Variants in PCSK5 observed in about 807,000 individuals in gnomAD.
PCSK5 encodes proprotein convertase subtilisin/kexin type 5.
A neutral mutation model predicts 233.2 loss-of-function variants in PCSK5; 129 were observed. The ratio of observed to expected loss-of-function variants is 0.55; its 90% confidence interval spans 0.48 to 0.64. The LOEUF (loss-of-function observed/expected upper bound fraction) is 0.64, where lower values mean the gene tolerates loss of function less well. Among genes scored for constraint, PCSK5 ranks in the 30% least tolerant of loss-of-function variants. The pLI is 0.00. For synonymous variants in PCSK5, 825 were observed against 879.2 expected, an observed-to-expected ratio of 0.94 and a Z score of 1.09; for missense variants, 2,076 against 2,430.1, an observed-to-expected ratio of 0.85 and a Z score of 3.06.
In PCSK5 at chr9:76,338,426, C is replaced by G. The variant is rs780843234; in HGVS notation, c.4945C>G (p.Pro1649Ala). Reference protein sequence around the residue: ...QSTQTCERCHPTCDQCKGKGA... With the variant: ...QSTQTCERCHATCDQCKGKGA... ...CACACAGACCTGTGAGAGATGCCAT[C>G]CGACTTGTGATCAATGCAAAGGTGA... The change falls in exon 35 of 38, where the codon CCG (proline) becomes GCG (alanine). Residue 1649 changes from proline to alanine, a missense_variant. Around this residue, in one of 6 missense-constraint regions of PCSK5, gnomAD observed 1,510 missense variants for 1,538.1 expected, o/e 0.98. Coordinates refer to ENST00000674117, the MANE Select transcript of PCSK5 (RefSeq NM_001372043.1). 6.2e-7 allele frequency: 1 copy of G among 1,611,260 alleles called. No homozygotes were observed. The highest frequency in any genetic ancestry group is 8.5e-7 in the Non-Finnish European group (1 of 1,178,612).
chr9:76,294,057 T>G (rs1462812701), intron 25 of PCSK5, among the ~76,000 whole-genome samples: 1 of 151,826 alleles, frequency 6.6e-6, no homozygotes, highest in East Asian at 1.9e-4. Flanking sequence ...ATTAGCCGAG[T>G]GTGGTGGCAT....
chr9:76,206,447 C>T (rs1000859099), intron 20 of PCSK5, among the ~76,000 whole-genome samples: 2 of 152,156 alleles, frequency 1.3e-5, no homozygotes, highest in African/African-American at 2.4e-5. Flanking sequence ...AGACAGAGCC[C>T]CTTTCCCTGC....
intron 35 of PCSK5, among the ~76,000 whole-genome samples, chr9:76,343,128 C>T: frequency 6.6e-6 from 1 of 150,650 alleles, no homozygotes; most frequent in Non-Finnish European, 1.5e-5. Context: ...GATACATCTC[C>T]ACTTAAAAAA....
chr9:75,992,249 A>G (rs751758545), intron 3 of PCSK5, among the ~76,000 whole-genome samples: 3 of 152,228 alleles, frequency 2.0e-5, no homozygotes, highest in Non-Finnish European at 4.4e-5. Flanking sequence ...TTCGAAATAC[A>G]TTGAGGGGTT....
At chr9:75,946,740 C>T (rs998560405) in intron 2 of PCSK5, among the ~76,000 whole-genome samples, 1 of 152,138 alleles carries the variant, frequency 6.6e-6, no homozygotes, top group East Asian at 1.9e-4. Context: ...AGGTGCCCAC[C>T]ACCATGCCAG....
chr9:76,237,207 C>G (rs894034425), intron 22 of PCSK5, among the ~76,000 whole-genome samples: 1 of 152,186 alleles, frequency 6.6e-6, no homozygotes, highest in African/African-American at 2.4e-5. Flanking sequence ...TTCCAGGTTC[C>G]ACCAGATCAG....
At chr9:75,966,339 C>G (rs1231223820) in intron 2 of PCSK5, among the ~76,000 whole-genome samples, 1 of 152,206 alleles carries the variant, frequency 6.6e-6, no homozygotes. Context: ...AACAAAAACT[C>G]TACTGTATTT....
intron 5 of PCSK5, among the ~76,000 whole-genome samples, chr9:76,032,006 C>T (rs1333560987): frequency 2.0e-5 from 3 of 152,154 alleles, no homozygotes; most frequent in Non-Finnish European, 4.4e-5. Flanking sequence ...TTGTCTGCTT[C>T]CTTGGGGCTG....
chr9:75,929,566 G>A (rs1823681632), intron 1 of PCSK5, among the ~76,000 whole-genome samples: 1 of 152,062 alleles, frequency 6.6e-6, no homozygotes, highest in African/African-American at 2.4e-5. Context: ...TCTCCCTCCA[G>A]CTGCAGTAGG....
At chr9:76,248,427 G>C (rs938220011) in intron 24 of PCSK5, among the ~76,000 whole-genome samples, 1 of 152,130 alleles carries the variant, frequency 6.6e-6, no homozygotes, top group Non-Finnish European at 1.5e-5. Context: ...AAAAGGAAGA[G>C]AGAGGGGAAT....
intron 2 of PCSK5, among the ~76,000 whole-genome samples, chr9:75,966,869 C>T (rs1278447566): frequency 1.3e-5 from 2 of 152,194 alleles, no homozygotes; most frequent in East Asian, 1.9e-4. Context: ...ATTTCTACCA[C>T]AGTGTATGTT....
intron 12 of PCSK5, among the ~76,000 whole-genome samples, chr9:76,166,871 G>C (rs905934536): frequency 4.6e-5 from 7 of 152,154 alleles, no homozygotes; most frequent in Admixed American, 4.6e-4. Context: ...GTTTGAAAAA[G>C]CTCCTCTTCC....
intron 20 of PCSK5, among the ~76,000 whole-genome samples, chr9:76,220,526 C>CAA (rs57063521): frequency 0.4 from 39,700 of 100,112 alleles, 7,553 homozygotes; most frequent in South Asian, 0.45. Flanking sequence ...GACTCTGTCT[C>CAA]AAAAAAAAAA....
chr9:76,345,827 C>T (rs1829965400), intron 35 of PCSK5, among the ~76,000 whole-genome samples: 1 of 152,088 alleles, frequency 6.6e-6, no homozygotes, highest in Non-Finnish European at 1.5e-5. Context: ...TCAAGCAATT[C>T]TCCTGTCTCA....
At chr9:76,317,072 C>G (rs1187638175) in intron 30 of PCSK5, among the ~76,000 whole-genome samples, 1 of 152,056 alleles carries the variant, frequency 6.6e-6, no homozygotes, top group Non-Finnish European at 1.5e-5. Context: ...GAAACTATAT[C>G]AGAAATATGA....
At chr9:76,252,297 A>AAT (rs1554712538) in intron 24 of PCSK5, among the ~76,000 whole-genome samples, 1,987 of 152,136 alleles carry the variant, frequency 0.013, 36 homozygotes, top group African/African-American at 0.045. Flanking sequence ...ATAATAATAA[A>AAT]AATAAGATAA....
At chr9:76,103,628 C>T (rs1416548) in intron 8 of PCSK5, among the ~76,000 whole-genome samples, 32,591 of 151,982 alleles carry the variant, frequency 0.21, 3,722 homozygotes, top group South Asian at 0.29. Flanking sequence ...CAGTACCCAC[C>T]GCTTGTCATC....
At chr9:76,126,167 C>CTGTGTG (rs140371301) in intron 9 of PCSK5, among the ~76,000 whole-genome samples, 97 of 61,582 alleles carry the variant, frequency 1.6e-3, no homozygotes, top group African/African-American at 7.4e-3. Context: ...TGATTTTTTC[C>CTGTGTG]TGCGTGTGTG....
chr9:76,267,338 C>T (rs1827364467), intron 24 of PCSK5, among the ~76,000 whole-genome samples: 1 of 152,020 alleles, frequency 6.6e-6, no homozygotes, highest in Admixed American at 6.6e-5. Context: ...CTTAGATAAG[C>T]GGCCAATTTA....
Sources: gnomAD v4.1 joint callset for allele counts (sites outside exome capture counted in the v4.1 genomes callset) on GRCh38, gnomAD v4.1.1 for gene constraint, gnomAD v4.1.1 regional missense constraint, MANE v1.5 for transcripts, NCBI Gene and HGNC (gene_info 2026-07-23, HGNC 2026-07-21) for gene names.